Variants in PKM observed in about 807,000 individuals in gnomAD.
PKM encodes the protein pyruvate kinase PKM.
In PKM, 18 loss-of-function variants were observed where a neutral mutation model predicts 49.8. The ratio of observed to expected loss-of-function variants is 0.36; its 90% CI spans 0.25 to 0.54. The LOEUF (loss-of-function observed/expected upper bound fraction) is 0.54. PKM is among the 20% of genes least tolerant of loss of function. PKM has a pLI of 0.89. For synonymous variants in PKM, 239 were observed against 261.8 expected (o/e 0.91, Z 0.84); for missense variants, 508 against 713.8 (o/e 0.71, Z 3.28).
chr15:72,229,919 AAAAAAAGAAAG>A (rs58075265), intron 1 of PKM, among the ~76,000 whole-genome samples: 29,232 of 150,386 alleles, frequency 0.19, 3,023 homozygotes, highest in East Asian at 0.4. Flanking sequence ...ATTAAAAAAA[AAAAAAAGAAAG>A]AAAAAAGAAA....
chr15:72,206,288 T>G (rs934646875), intron 8 of PKM: 5 of 194,688 alleles, frequency 2.6e-5, no homozygotes, highest in Non-Finnish European at 5.4e-5. Context: ...GGAACTGAAT[T>G]GGAAGCCAAA....
At chr15:72,214,841 T>C (rs1484054367) in intron 3 of PKM, among the ~76,000 whole-genome samples, 4 of 152,092 alleles carry the variant, frequency 2.6e-5, no homozygotes, top group Non-Finnish European at 5.9e-5. Flanking sequence ...ACATGGCATA[T>C]GGAACCACAT....
At position 72,200,425 on chromosome 15, in the gene PKM, A is replaced by C. The variant is rs1567099074; in HGVS notation, c.1489+49T>G. 2 of 1,582,456 alleles carry C rather than the reference A, an allele frequency of 1.3e-6. No individual in the cohort carries two copies. Among genetic ancestry groups the C allele is most frequent in the Non-Finnish European group, 1.7e-6 (2 of 1,153,700 alleles). The stretch of plus-strand genomic sequence containing the variant: ...CGGGGTCCCACAGAAGCCAATGCTC[A>C]AGCATCCCCAAGCTCCTCTAGGCTC... On this transcript the variant is annotated intron_variant, in intron 10 of 10. Coordinates refer to ENST00000335181, the MANE Select transcript of PKM (RefSeq NM_002654.6). The surrounding 1 kb of genome is among the most constrained non-coding windows in gnomAD (Gnocchi z 4.6).
intron 1 of PKM, 59 bp from the exon 2 acceptor site, chr15:72,219,169 T>C (rs931184817): frequency 2.7e-6 from 4 of 1,488,390 alleles, no homozygotes; most frequent in African/African-American, 2.8e-5. Context: ...ATATACCATT[T>C]AGCACAGAAG....
chr15:72,218,543 C>T (rs2082432800), intron 2 of PKM, among the ~76,000 whole-genome samples: 1 of 152,002 alleles, frequency 6.6e-6, no homozygotes, highest in Non-Finnish European at 1.5e-5. Context: ...TCTCAGCCTC[C>T]CATGTAGCCA....
Position 72,200,401 on chromosome 15 carries a change from G to T in PKM, c.1489+73C>A. On this transcript the variant is annotated intron_variant, in intron 10 of 10. Coordinates refer to ENST00000335181, the MANE Select transcript of PKM (RefSeq NM_002654.6). The surrounding 1 kb of genome is among the most constrained non-coding windows in gnomAD (Gnocchi z 4.6). ...TCCCCTTTCTATTCCCCAAACTTTC[G>T]GGGTCCCACAGAAGCCAATGCTCAA... 6.9e-7 allele frequency: 1 copy of T among 1,443,732 alleles called. No individual in the cohort carries two copies. The highest frequency in any genetic ancestry group is 9.7e-7 in the Non-Finnish European group (1 of 1,030,470). 89.4% of individuals were successfully genotyped at this position (1,443,732 alleles called of 1,614,324 possible). A position where few individuals can be genotyped will look rare whatever the true frequency, so the allele number is the denominator to read the frequency against.
In PKM at chr15:72,226,394, G is replaced by T. The variant is rs8192376; in HGVS notation, c.-14+4722C>A. ...ATACAAAAAAAATCAGCCAGGCGTG[G>T]TTGCGGTTGCCTGTAGTCCCAGCTA... On this transcript the variant is annotated intron_variant, in intron 1 of 10. Transcript: ENST00000335181. 1.5e-3 allele frequency among the ~76,000 whole-genome samples: 229 copies of T among 152,300 alleles called. 1 individual carries two copies. The highest frequency in any genetic ancestry group is 4.7e-3 in the African/African-American group (196 of 41,566).
chr15:72,208,990 G>T, intron 5 of PKM, 99 bp from the exon 6 acceptor site: 1 of 1,283,762 alleles, frequency 7.8e-7, no homozygotes, highest in Non-Finnish European at 1.1e-6. Flanking sequence ...GGGAAGTGGT[G>T]CATTATGGGT....
chr15:72,217,664 A>G (rs2082410513), intron 2 of PKM, among the ~76,000 whole-genome samples, 164 bp from the exon 3 acceptor site: 1 of 152,200 alleles, frequency 6.6e-6, no homozygotes, highest in Non-Finnish European at 1.5e-5. Context: ...GTGCCAGCTT[A>G]CTTTCTTGAT....
chr15:72,209,439 A>ATATATATATG (rs2082182931), intron 5 of PKM: 1 of 18,020 alleles, frequency 5.5e-5, no homozygotes, highest in African/African-American at 2.2e-4. Flanking sequence ...ATATATATAT[A>ATATATATATG]TGTATATATA....
intron 2 of PKM, among the ~76,000 whole-genome samples, chr15:72,218,405 C>T (rs2140742154): frequency 6.6e-6 from 1 of 152,128 alleles, no homozygotes; most frequent in East Asian, 1.9e-4. Context: ...GGATTACAGG[C>T]ATGTGCCACT....
At chr15:72,228,943 C>A (rs2082764488) in intron 1 of PKM, among the ~76,000 whole-genome samples, 1 of 152,216 alleles carries the variant, frequency 6.6e-6, no homozygotes, top group Non-Finnish European at 1.5e-5. Flanking sequence ...AAAGGCTTAA[C>A]TCAGCCCCTC....
intron 1 of PKM, chr15:72,221,137 C>T (rs1349790681): frequency 7.8e-7 from 1 of 1,278,154 alleles, no homozygotes; most frequent in South Asian, 1.3e-5. Context: ...CTGTAAAGAC[C>T]TGGCTGGGGC....
At chr15:72,221,942 A>G (rs1596791406) in intron 1 of PKM, among the ~76,000 whole-genome samples, 1 of 136,066 alleles carries the variant, frequency 7.3e-6, no homozygotes, top group East Asian at 2.2e-4. Flanking sequence ...AAAAAAAAAA[A>G]GTCCACAGGA....
chr15:72,207,820 C>T (rs984639201), intron 6 of PKM, among the ~76,000 whole-genome samples: 23 of 151,866 alleles, frequency 1.5e-4, no homozygotes, highest in Non-Finnish European at 2.6e-4. Context: ...GGGGAGGACC[C>T]CAAATTGCCT....
chr15:72,209,516 C>T (rs530964140), intron 5 of PKM, 157 bp downstream of exon 5: 1 of 642,580 alleles, frequency 1.6e-6, no homozygotes, highest in African/African-American at 1.9e-5. Context: ...TGGATTAAAG[C>T]CTATCTTTGA....
chr15:72,206,059 T>G (rs1380586417), intron 8 of PKM, among the ~76,000 whole-genome samples: 1 of 152,156 alleles, frequency 6.6e-6, no homozygotes, highest in Non-Finnish European at 1.5e-5. Flanking sequence ...TCAGCCACCC[T>G]CCCCGCTGTC....
intron 6 of PKM, among the ~76,000 whole-genome samples, chr15:72,207,624 C>G (rs998418100): frequency 8.5e-5 from 13 of 152,358 alleles, no homozygotes; most frequent in African/African-American, 2.9e-4. Context: ...ATCAGCACTT[C>G]AAGACAGGGA....
intron 1 of PKM, among the ~76,000 whole-genome samples, chr15:72,226,092 C>T (rs925326961): frequency 2.6e-5 from 4 of 152,196 alleles, no homozygotes; most frequent in East Asian, 1.9e-4. Flanking sequence ...ACGTTTACAA[C>T]ATCTCTATTT....
Sources: gnomAD v4.1 joint callset for allele counts (sites outside exome capture counted in the v4.1 genomes callset) on GRCh38, gnomAD v4.1.1 for gene constraint, Gnocchi (gnomAD v3.1) non-coding constraint, MANE v1.5 for transcripts, NCBI Gene and HGNC (gene_info 2026-07-23, HGNC 2026-07-21) for gene names.